Variants in GRIA1 observed in about 807,000 individuals in gnomAD.
The protein encoded by GRIA1 is glutamate receptor 1.
GRIA1 carries 31 observed loss-of-function variants against 99.2 expected under a neutral mutation model. That is an observed-to-expected ratio of 0.31 (90% CI 0.23 to 0.42). GRIA1 has a LOEUF of 0.42. Among genes scored for constraint, GRIA1 ranks in the 10% least tolerant of loss-of-function variants. GRIA1 has a pLI of 1.00. For missense variants in GRIA1, 782 were observed against 1,157.5 expected (o/e 0.68, Z 4.71); for synonymous variants, 438 against 432.4 (o/e 1.01, Z -0.16).
chr5:153,741,404 G>A, intron 11 of GRIA1, among the ~76,000 whole-genome samples: 1 of 152,134 alleles, frequency 6.6e-6, no homozygotes, highest in East Asian at 1.9e-4. Context: ...ACTTCTAGGG[G>A]TACTTATACA....
intron 5 of GRIA1, among the ~76,000 whole-genome samples, chr5:153,660,836 A>C (rs527321202): frequency 6.6e-6 from 1 of 152,338 alleles, no homozygotes; most frequent in Non-Finnish European, 1.5e-5. Flanking sequence ...CACAAAGGTA[A>C]GAACTACAAC....
intron 13 of GRIA1, among the ~76,000 whole-genome samples, chr5:153,793,343 T>C (rs184180212): frequency 8.5e-4 from 130 of 152,258 alleles, no homozygotes; most frequent in Admixed American, 4.2e-3. Flanking sequence ...CCACCTACCA[T>C]TGGGGACATC....
intron 7 of GRIA1, among the ~76,000 whole-genome samples, chr5:153,678,274 C>T (rs1756733591): frequency 6.6e-6 from 1 of 152,208 alleles, no homozygotes. Context: ...ACGTGCACAG[C>T]TCTAGCAACT....
intron 4 of GRIA1, among the ~76,000 whole-genome samples, chr5:153,652,855 T>C (rs553597764): frequency 6.6e-6 from 1 of 152,318 alleles, no homozygotes; most frequent in East Asian, 1.9e-4. Flanking sequence ...CTACAACTTA[T>C]ATCTCTGACT....
intron 7 of GRIA1, among the ~76,000 whole-genome samples, chr5:153,684,555 C>T (rs996972208): frequency 5.9e-5 from 9 of 152,120 alleles, no homozygotes; most frequent in Non-Finnish European, 1.2e-4. Context: ...TCAGTTTGGG[C>T]AAATCAGTCT....
intron 5 of GRIA1, among the ~76,000 whole-genome samples, chr5:153,661,639 A>G (rs1364919114): frequency 6.6e-6 from 1 of 152,242 alleles, no homozygotes; most frequent in African/African-American, 2.4e-5. Flanking sequence ...TGAGTTGCAC[A>G]TAACAGGTGT....
chr5:153,644,869 A>G (rs1180122800), intron 2 of GRIA1, among the ~76,000 whole-genome samples: 1 of 151,630 alleles, frequency 6.6e-6, no homozygotes, highest in Non-Finnish European at 1.5e-5. Flanking sequence ...GCCCAGAGGA[A>G]GAGAGTGAAA....
At chr5:153,738,943 A>G (rs183211523) in intron 11 of GRIA1, among the ~76,000 whole-genome samples, 29 of 151,606 alleles carry the variant, frequency 1.9e-4, no homozygotes, top group African/African-American at 6.3e-4. Context: ...GATGGTCTCG[A>G]ACTCCCGACC....
At chr5:153,776,938 A>G (rs1053535281) in intron 13 of GRIA1, among the ~76,000 whole-genome samples, 6 of 152,178 alleles carry the variant, frequency 3.9e-5, no homozygotes, top group African/African-American at 1.4e-4. Context: ...CCTGAGTGCT[A>G]CAGAAGGCCA....
chr5:153,565,227 G>T (rs1761509724), intron 2 of GRIA1, among the ~76,000 whole-genome samples: 1 of 152,158 alleles, frequency 6.6e-6, no homozygotes. Context: ...GTATAAGAAA[G>T]TCTTTTGGTT....
chr5:153,805,243 T>G (rs1200215728), intron 15 of GRIA1, among the ~76,000 whole-genome samples: 1 of 152,190 alleles, frequency 6.6e-6, no homozygotes, highest in Non-Finnish European at 1.5e-5. Context: ...GCCAGATACA[T>G]CCTCCTTAAA....
intron 2 of GRIA1, among the ~76,000 whole-genome samples, chr5:153,584,373 CCA>C (rs1052594618): frequency 6.6e-6 from 1 of 152,110 alleles, no homozygotes; most frequent in African/African-American, 2.4e-5. Context: ...CAAGCCTTGC[CCA>C]CAGTGTTTGA....
intron 11 of GRIA1, among the ~76,000 whole-genome samples, chr5:153,724,488 GA>G (rs1760346834): frequency 6.6e-6 from 1 of 152,124 alleles, no homozygotes; most frequent in African/African-American, 2.4e-5. Context: ...CAAAGAAGTT[GA>G]AAACTTTGAA....
At position 153,740,003 on chromosome 5, in the gene GRIA1, T is replaced by C. The variant is rs147136344; in HGVS notation, c.1824-24431T>C. Among the ~76,000 whole-genome samples, 61 of 152,376 alleles carry C rather than the reference T, an allele frequency of 4.0e-4. No individual in the cohort carries two copies. The East Asian group carries it at 0.01, about 26-fold the overall frequency. On this transcript the variant is annotated intron_variant, in intron 11 of 15. Transcript: ENST00000285900. ...ATCTTATTAATATCTTTTTAAAATA[T>C]ATGCTGATTGCTAATGTTCTCTATA...
chr5:153,593,532 T>C (rs1764164054), intron 2 of GRIA1, among the ~76,000 whole-genome samples: 1 of 152,206 alleles, frequency 6.6e-6, no homozygotes, highest in Non-Finnish European at 1.5e-5. Context: ...AATAGCACAC[T>C]CTTAAACTTT....
At chr5:153,638,001 T>G (rs1452419077) in intron 2 of GRIA1, among the ~76,000 whole-genome samples, 1 of 152,202 alleles carries the variant, frequency 6.6e-6, no homozygotes, top group Non-Finnish European at 1.5e-5. Context: ...CACAAAAAGT[T>G]ACTTGATAAT....
chr5:153,586,109 G>A (rs1160505560), intron 2 of GRIA1, among the ~76,000 whole-genome samples: 2 of 152,180 alleles, frequency 1.3e-5, no homozygotes, highest in African/African-American at 4.8e-5. Context: ...GTCCACTCTT[G>A]TGAGCCACTA....
At chr5:153,703,016 ACTACCCAGTGAAGCT>A (rs1758641204) in intron 10 of GRIA1, among the ~76,000 whole-genome samples, 1 of 152,216 alleles carries the variant, frequency 6.6e-6, no homozygotes, top group Non-Finnish European at 1.5e-5. Flanking sequence ...TGTGCCCTCC[ACTACCCAGTGAAGCT>A]CCAGTGAGAA....
rs148878120 is a variant in GRIA1 at position 153,577,774 on chromosome 5, A to G, written c.221-69154A>G. On this transcript the variant is annotated intron_variant, in intron 2 of 15. Coordinates refer to ENST00000285900, the MANE Select transcript of GRIA1 (RefSeq NM_000827.4). The stretch of plus-strand genomic sequence containing the variant: ...AACACAGTAGTGAGTAAGGGGGACA[A>G]GACACCTGACTTCATGGACCTTAGT... Among the ~76,000 whole-genome samples the G allele has an allele frequency of 1.6e-4, 24 of 152,354 alleles. No individual in the cohort carries two copies. The East Asian group carries it at 3.9e-3, about 24-fold the overall frequency.
Sources: gnomAD v4.1 joint callset for allele counts (sites outside exome capture counted in the v4.1 genomes callset) on GRCh38, gnomAD v4.1.1 for gene constraint, MANE v1.5 for transcripts, NCBI Gene and HGNC (gene_info 2026-07-23, HGNC 2026-07-21) for gene names.